The following FAM163A variants were observed in gnomAD, a reference collection of about 807,000 sequenced individuals.
FAM163A encodes the protein protein FAM163A.
A neutral mutation model predicts 12.0 loss-of-function variants in FAM163A; 7 were observed. The observed-to-expected ratio is 0.58, with a 90% confidence interval of 0.33 to 1.10. FAM163A has a LOEUF of 1.10. Among genes scored for constraint, FAM163A ranks in the 50% least tolerant of loss-of-function variants. FAM163A has a pLI of 0.03. For missense variants in FAM163A, 202 were observed against 218.6 expected, an observed-to-expected ratio of 0.92 and a Z score of 0.48; for synonymous variants, 101 against 91.0, an observed-to-expected ratio of 1.11 and a Z score of -0.62.
At chr1:179,736,894 T>C in the FAM163A span, among the ~76,000 whole-genome samples, 1 of 152,206 alleles carries the variant, frequency 6.6e-6, no homozygotes, top group Non-Finnish European at 1.5e-5. Flanking sequence ...TGTACACTGT[T>C]GGTTGGAATG....
chr1:179,733,201 T>C, the FAM163A span, among the ~76,000 whole-genome samples: 1 of 151,774 alleles, frequency 6.6e-6, no homozygotes, highest in East Asian at 2.0e-4. Flanking sequence ...GGAGTATTTA[T>C]TTCCCTTTTT....
rs183590456 is a variant in FAM163A at position 179,778,204 on chromosome 1, A to G, written c.-135-29594A>G. Among the ~76,000 whole-genome samples, 90 of 152,132 alleles carry G rather than the reference A, an allele frequency of 5.9e-4. No individual in the cohort carries two copies. In the South Asian group the frequency reaches 6.0e-3, roughly 10 times the overall value. ...GAATATAGATGTCTTCCTGCCATGA[A>G]CTCTGAACGTAGAACCCAGGGCTGG... is the stretch of plus-strand genomic sequence containing the variant. On this transcript the variant is annotated intron_variant, in intron 1 of 4. Coordinates refer to ENST00000341785, the MANE Select transcript of FAM163A (RefSeq NM_173509.3).
intron 1 of FAM163A, among the ~76,000 whole-genome samples, chr1:179,805,256 G>A (rs1312150270): frequency 1.3e-5 from 2 of 152,124 alleles, no homozygotes; most frequent in Admixed American, 1.3e-4. Context: ...GCTGGCTCAC[G>A]CCTGTAATCC....
At chr1:179,729,352 T>A in the FAM163A span, among the ~76,000 whole-genome samples, 8 of 152,320 alleles carry the variant, frequency 5.3e-5, no homozygotes, top group Non-Finnish European at 2.9e-5. Context: ...TAAATATTTT[T>A]AAATTAGTTT....
chr1:179,795,197 G>GT (rs1692109610), intron 1 of FAM163A, among the ~76,000 whole-genome samples: 1 of 152,192 alleles, frequency 6.6e-6, no homozygotes. Flanking sequence ...CGGGCATGAT[G>GT]GCTCATGCCT....
the FAM163A span, chr1:179,730,177 A>C: frequency 6.6e-6 from 1 of 152,266 alleles, no homozygotes. Flanking sequence ...TCCCACTTGC[A>C]AGCACTGAGT....
rs35899165 is a variant in FAM163A at position 179,796,132 on chromosome 1, TACACACACACACAC to T, written c.-135-11648_-135-11635del. On this transcript the variant is annotated intron_variant, in intron 1 of 4. Transcript: ENST00000341785. ...CCTTCTCCAGAGAAACATTCAATAA[TACACACACACACAC>T]ACACACACACACACACAAACTTAAG... Among the ~76,000 whole-genome samples the T allele has an allele frequency of 2.8e-5, 4 of 145,450 alleles. No individual in the cohort carries two copies. In the East Asian group the frequency reaches 8.0e-4, roughly 29 times the overall value.
intron 1 of FAM163A, among the ~76,000 whole-genome samples, chr1:179,807,034 C>T (rs868217214): frequency 6.6e-6 from 1 of 150,868 alleles, no homozygotes; most frequent in Admixed American, 6.6e-5. Flanking sequence ...CCCGGGAGGC[C>T]GAGGTTGCAG....
chr1:179,751,528 G>T (rs10913875), intron 1 of FAM163A, among the ~76,000 whole-genome samples: 36,081 of 152,014 alleles, frequency 0.24, 4,940 homozygotes, highest in East Asian at 0.63. Flanking sequence ...AGATGTAATT[G>T]GTGGAGGAGA....
At chr1:179,783,205 G>A (rs1690048693) in intron 1 of FAM163A, among the ~76,000 whole-genome samples, 1 of 151,662 alleles carries the variant, frequency 6.6e-6, no homozygotes, top group Non-Finnish European at 1.5e-5. Context: ...AGACAGCATA[G>A]TCTCAACTAT....
At chr1:179,763,510 G>A (rs1474876239) in intron 1 of FAM163A, among the ~76,000 whole-genome samples, 1 of 152,200 alleles carries the variant, frequency 6.6e-6, no homozygotes, top group Non-Finnish European at 1.5e-5. Context: ...AAAAACACCA[G>A]ACTGGCTAGT....
chr1:179,792,483 T>C (rs1691662555), intron 1 of FAM163A, among the ~76,000 whole-genome samples: 1 of 152,124 alleles, frequency 6.6e-6, no homozygotes, highest in African/African-American at 2.4e-5. Context: ...CCAGTCTCAG[T>C]GACGAGGGAT....
chr1:179,781,933 CAA>C (rs58962319), intron 1 of FAM163A, among the ~76,000 whole-genome samples: 1,258 of 119,190 alleles, frequency 0.011, 9 homozygotes, highest in African/African-American at 0.032. Flanking sequence ...GAATCCGTAT[CAA>C]AAAAAAAAAA....
intron 1 of FAM163A, among the ~76,000 whole-genome samples, chr1:179,789,686 A>G (rs1014602787): frequency 6.6e-6 from 1 of 152,218 alleles, no homozygotes; most frequent in Non-Finnish European, 1.5e-5. Context: ...GTGCTATCAC[A>G]TGGAAACTGG....
chr1:179,800,065 C>T (rs544704044), intron 1 of FAM163A, among the ~76,000 whole-genome samples: 2 of 152,260 alleles, frequency 1.3e-5, no homozygotes, highest in South Asian at 2.1e-4. Context: ...TTCCTGCATT[C>T]GACAGGTATG....
upstream of FAM163A, among the ~76,000 whole-genome samples, chr1:179,738,971 A>G (rs187794016): frequency 6.6e-6 from 1 of 152,318 alleles, no homozygotes; most frequent in African/African-American, 2.4e-5. Flanking sequence ...AGGGATAGAC[A>G]CATAGATCAA....
chr1:179,791,963 A>C (rs768950727), intron 1 of FAM163A, among the ~76,000 whole-genome samples: 1 of 152,086 alleles, frequency 6.6e-6, no homozygotes, highest in Non-Finnish European at 1.5e-5. Flanking sequence ...CAGAAACAGC[A>C]TTTAGTAGTA....
chr1:179,794,443 C>T (rs1044290313), intron 1 of FAM163A, among the ~76,000 whole-genome samples: 1 of 152,136 alleles, frequency 6.6e-6, no homozygotes, highest in African/African-American at 2.4e-5. Flanking sequence ...CCAGGATGCA[C>T]CCACAGGTGT....
intron 2 of FAM163A, among the ~76,000 whole-genome samples, chr1:179,810,940 G>C (rs528368625): frequency 2.0e-5 from 3 of 152,228 alleles, no homozygotes; most frequent in African/African-American, 7.2e-5. Context: ...CTACTCGGGA[G>C]GCTGAGGCAC....
Sources: gnomAD v4.1 joint callset for allele counts (sites outside exome capture counted in the v4.1 genomes callset) on GRCh38, gnomAD v4.1.1 for gene constraint, MANE v1.5 for transcripts, NCBI Gene and HGNC (gene_info 2026-07-23, HGNC 2026-07-21) for gene names.